FRMPD4: variants seen among roughly 807,000 people sequenced by gnomAD.
The protein encoded by FRMPD4 is FERM and PDZ domain containing 4.
FRMPD4 carries 22 observed loss-of-function variants against 94.1 expected under a neutral mutation model. That is an observed-to-expected ratio of 0.23 (90% CI 0.17 to 0.33). The LOEUF is 0.33. Ranked by LOEUF, FRMPD4 falls within the 10% of genes least tolerant of loss-of-function variation. The pLI is 1.00. For synonymous variants in FRMPD4, 631 were observed against 548.6 expected (o/e 1.15, Z -2.10); for missense variants, 1,111 against 1,339.9 (o/e 0.83, Z 2.67).
intron 3 of FRMPD4, among the ~76,000 whole-genome samples, chrX:12,068,093 A>C (rs937516204): frequency 1.8e-5 from 2 of 111,232 alleles, no homozygotes; most frequent in Non-Finnish European, 3.8e-5. Flanking sequence ...GGAGAGGGAA[A>C]TGATTTGAAG....
chrX:11,973,128 T>G (rs1342085589), intron 3 of FRMPD4, among the ~76,000 whole-genome samples: 1 of 112,727 alleles, frequency 8.9e-6, no homozygotes, highest in Non-Finnish European at 1.9e-5. Context: ...TAACCGCCAC[T>G]TCAGTGCCTC....
At chrX:12,517,588 T>A (rs1257639060) in intron 2 of FRMPD4, among the ~76,000 whole-genome samples, 1 of 112,379 alleles carries the variant, frequency 8.9e-6, no homozygotes, top group African/African-American at 3.2e-5. Context: ...TCCTCTGGGA[T>A]CTCTGTCCCA....
intron 1 of FRMPD4, among the ~76,000 whole-genome samples, chrX:12,498,156 G>A (rs940284095): frequency 6.2e-5 from 7 of 112,079 alleles, no homozygotes; most frequent in African/African-American, 2.3e-4. Flanking sequence ...GGCTTTTACA[G>A]GCTATGCAGT....
chrX:12,096,016 G>A (rs2055197924), intron 3 of FRMPD4, among the ~76,000 whole-genome samples: 1 of 111,937 alleles, frequency 8.9e-6, no homozygotes, highest in African/African-American at 3.3e-5. Flanking sequence ...TGCCTTCTCT[G>A]GGTAGCTAAT....
chrX:12,344,436 CT>C (rs1479807881), intron 1 of FRMPD4, among the ~76,000 whole-genome samples: 1 of 111,340 alleles, frequency 9.0e-6, no homozygotes. Flanking sequence ...CCCTCCTCCA[CT>C]TTTTAAAATC....
At chrX:12,530,087 G>T (rs2058268947) in intron 2 of FRMPD4, among the ~76,000 whole-genome samples, 1 of 111,848 alleles carries the variant, frequency 8.9e-6, no homozygotes, top group Non-Finnish European at 1.9e-5. Flanking sequence ...TCAGGCCATA[G>T]AACTTCTTCT....
intron 2 of FRMPD4, among the ~76,000 whole-genome samples, chrX:12,556,900 A>T (rs192444134): frequency 1.8e-3 from 198 of 112,031 alleles, no homozygotes; most frequent in African/African-American, 5.8e-3. Context: ...GCTGGAGTAC[A>T]GTGGCGTGAT....
At chrX:12,312,669 T>A (rs748170778) in intron 1 of FRMPD4, among the ~76,000 whole-genome samples, 1 of 112,144 alleles carries the variant, frequency 8.9e-6, no homozygotes, top group Non-Finnish European at 1.9e-5. Context: ...TTCTTATTAC[T>A]GGAAACTGAA....
At chrX:12,480,342 A>AAAG (rs2057666313) in intron 1 of FRMPD4, among the ~76,000 whole-genome samples, 2 of 107,700 alleles carry the variant, frequency 1.9e-5, no homozygotes, top group East Asian at 2.9e-4. Flanking sequence ...TGAAAAAAAA[A>AAAG]AAAAAAAAAA....
intron 1 of FRMPD4, among the ~76,000 whole-genome samples, chrX:12,336,787 A>G (rs1453292641): frequency 1.8e-5 from 2 of 112,220 alleles, no homozygotes; most frequent in Non-Finnish European, 1.9e-5. Flanking sequence ...AAAACGTCCA[A>G]CTTCAAAGCA....
intron 2 of FRMPD4, among the ~76,000 whole-genome samples, chrX:12,558,789 A>G (rs2058622348): frequency 8.9e-6 from 1 of 111,896 alleles, no homozygotes; most frequent in Admixed American, 9.5e-5. Context: ...ATTTCCAGCT[A>G]TTTGGGAGGC....
intron 1 of FRMPD4, among the ~76,000 whole-genome samples, chrX:12,477,293 C>A (rs891841204): frequency 5.4e-5 from 6 of 110,321 alleles, no homozygotes; most frequent in Non-Finnish European, 7.6e-5. Context: ...CATCACACAC[C>A]GGGGCCTGTT....
At chrX:11,945,798 C>G (rs1167100539) in intron 3 of FRMPD4, among the ~76,000 whole-genome samples, 1 of 111,487 alleles carries the variant, frequency 9.0e-6, no homozygotes, top group Non-Finnish European at 1.9e-5. Flanking sequence ...CCCCCATGAC[C>G]CAAATGCCTC....
At chrX:12,216,710 C>T (rs2056811343) in intron 1 of FRMPD4, among the ~76,000 whole-genome samples, 1 of 112,205 alleles carries the variant, frequency 8.9e-6, no homozygotes, top group South Asian at 3.7e-4. Context: ...ATCTCTGAAA[C>T]TGTTGCTTAT....
At chrX:12,565,552 T>C (rs1215441646) in intron 2 of FRMPD4, among the ~76,000 whole-genome samples, 1 of 111,748 alleles carries the variant, frequency 8.9e-6, no homozygotes, top group Non-Finnish European at 1.9e-5. Context: ...TGAGAGATAG[T>C]CTATCAAATA....
chrX:12,006,826 G>A lies in FRMPD4; in HGVS notation c.95+128808G>A, dbSNP rs771379483. On this transcript the variant is annotated intron_variant, in intron 3 of 18. Coordinates refer to the FRMPD4 transcript ENST00000640291. Reference sequence around the variant, plus strand: ...CACCTGAAGTCCAAGTCTGTGGTCCGAAACTAGAGGAAGGGCCCATCATTG... The same window carrying A: ...CACCTGAAGTCCAAGTCTGTGGTCCAAAACTAGAGGAAGGGCCCATCATTG... Among the ~76,000 whole-genome samples the A allele has an allele frequency of 3.2e-4, 36 of 112,007 alleles. 1 individual carries two copies. The highest frequency in any genetic ancestry group is 2.8e-3 in the Admixed American group (30 of 10,569).
At chrX:12,540,821 A>G (rs1378729837) in intron 2 of FRMPD4, among the ~76,000 whole-genome samples, 1 of 111,959 alleles carries the variant, frequency 8.9e-6, no homozygotes, top group Non-Finnish European at 1.9e-5. Flanking sequence ...CTATTCCAAA[A>G]TTGACCACAT....
At chrX:11,993,764 G>C (rs924842004) in intron 3 of FRMPD4, among the ~76,000 whole-genome samples, 1 of 111,663 alleles carries the variant, frequency 9.0e-6, no homozygotes, top group Non-Finnish European at 1.9e-5. Context: ...AATTTCAAGA[G>C]CTACAATGAG....
intron 2 of FRMPD4, chrX:12,583,506 A>G (rs935277084): frequency 7.9e-5 from 90 of 1,132,900 alleles, no homozygotes; most frequent in Non-Finnish European, 1.0e-4. Context: ...GAATATTTCT[A>G]CGTGCCGGGA....
Sources: gnomAD v4.1 joint callset for allele counts (sites outside exome capture counted in the v4.1 genomes callset) on GRCh38, gnomAD v4.1.1 for gene constraint, MANE v1.5 for transcripts, NCBI Gene and HGNC (gene_info 2026-07-23, HGNC 2026-07-21) for gene names.